The following OPCML variants were observed in gnomAD, a reference collection of about 807,000 sequenced individuals.
OPCML encodes opioid binding protein/cell adhesion molecule like.
A neutral mutation model predicts 37.8 loss-of-function variants in OPCML; 13 were observed. The ratio of observed to expected loss-of-function variants is 0.34; its 90% CI spans 0.22 to 0.55. The LOEUF (loss-of-function observed/expected upper bound fraction) is 0.55, where lower values mean the gene tolerates loss of function less well. Among genes scored for constraint, OPCML ranks in the 20% least tolerant of loss-of-function variants. The pLI, the probability that OPCML is intolerant of heterozygous loss-of-function variation, is 0.91. For missense variants in OPCML, 341 were observed against 435.6 expected (o/e 0.78, Z 1.93); for synonymous variants, 176 against 168.8 (o/e 1.04, Z -0.33).
At chr11:133,458,740 CGT>C (rs200584548) in intron 1 of OPCML, among the ~76,000 whole-genome samples, 1 of 102,648 alleles carries the variant, frequency 9.7e-6, no homozygotes, top group Non-Finnish European at 1.7e-5. Flanking sequence ...CATAGATGCA[CGT>C]GTGTGTATAT....
intron 1 of OPCML, among the ~76,000 whole-genome samples, chr11:133,341,686 A>T (rs545110738): frequency 3.9e-5 from 6 of 152,320 alleles, no homozygotes; most frequent in African/African-American, 1.4e-4. Flanking sequence ...TGGGAGGCCA[A>T]GGCAGGTGGA....
At chr11:133,458,131 G>A (rs924885511) in intron 1 of OPCML, among the ~76,000 whole-genome samples, 1 of 151,010 alleles carries the variant, frequency 6.6e-6, no homozygotes. Context: ...GGGCAACAGA[G>A]CAAGACTCCA....
At chr11:132,962,979 G>C (rs573928227) in intron 1 of OPCML, among the ~76,000 whole-genome samples, 2 of 152,262 alleles carry the variant, frequency 1.3e-5, no homozygotes, top group South Asian at 2.1e-4. Context: ...AGGCCTGCTT[G>C]ACACGCATAG....
chr11:133,204,868 GTA>G (rs57658806), intron 1 of OPCML, among the ~76,000 whole-genome samples: 2,567 of 116,614 alleles, frequency 0.022, 44 homozygotes, highest in East Asian at 0.037. Flanking sequence ...ATATATATGT[GTA>G]TATATATATA....
At chr11:133,368,745 G>C (rs1195489027) in intron 1 of OPCML, among the ~76,000 whole-genome samples, 1 of 152,098 alleles carries the variant, frequency 6.6e-6, no homozygotes, top group Non-Finnish European at 1.5e-5. Context: ...TATTCATTAA[G>C]GAAACTCATT....
At chr11:133,144,039 G>T (rs1949862747) in intron 1 of OPCML, among the ~76,000 whole-genome samples, 1 of 152,164 alleles carries the variant, frequency 6.6e-6, no homozygotes, top group Non-Finnish European at 1.5e-5. Context: ...TGCCACTTAG[G>T]GTCTGCCTGC....
chr11:133,311,285 G>A (rs1943062071), intron 1 of OPCML, among the ~76,000 whole-genome samples: 1 of 152,180 alleles, frequency 6.6e-6, no homozygotes, highest in Non-Finnish European at 1.5e-5. Flanking sequence ...AAGAGAGGTG[G>A]TTTACTAGGA....
At chr11:133,457,764 G>A (rs529475258) in intron 1 of OPCML, among the ~76,000 whole-genome samples, 43 of 152,198 alleles carry the variant, frequency 2.8e-4, no homozygotes, top group Non-Finnish European at 5.0e-4. Context: ...AAGAGCGGAC[G>A]TAGTTCATTA....
chr11:133,085,484 C>T (rs1340439068), intron 1 of OPCML, among the ~76,000 whole-genome samples: 2 of 152,192 alleles, frequency 1.3e-5, no homozygotes, highest in African/African-American at 2.4e-5. Flanking sequence ...GTACCCAGCA[C>T]ATAGAGCAAA....
chr11:132,427,251 T>A (rs2136682983), intron 7 of OPCML, among the ~76,000 whole-genome samples: 1 of 152,296 alleles, frequency 6.6e-6, no homozygotes, highest in East Asian at 1.9e-4. Context: ...TGTTCTGAAA[T>A]CTGGATAGGT....
chr11:133,366,619 G>A (rs532479937), intron 1 of OPCML, among the ~76,000 whole-genome samples: 2 of 152,250 alleles, frequency 1.3e-5, no homozygotes, highest in East Asian at 1.9e-4. Context: ...GGGGTGGAAG[G>A]ATGCAGAAAT....
intron 3 of OPCML, among the ~76,000 whole-genome samples, chr11:132,571,297 C>A (rs7929325): frequency 0.053 from 8,075 of 152,084 alleles, 432 homozygotes; most frequent in African/African-American, 0.12. Context: ...ACACTACTGG[C>A]TTCTTTCTTC....
At chr11:132,944,120 TC>T (rs1407637528) in intron 1 of OPCML, among the ~76,000 whole-genome samples, 42 of 150,238 alleles carry the variant, frequency 2.8e-4, no homozygotes, top group Admixed American at 3.3e-4. Context: ...CCCACTTCGC[TC>T]CGTCCCGACA....
At chr11:132,564,446 C>A (rs972414745) in intron 3 of OPCML, among the ~76,000 whole-genome samples, 1 of 152,194 alleles carries the variant, frequency 6.6e-6, no homozygotes, top group Non-Finnish European at 1.5e-5. Flanking sequence ...GAGAACACAT[C>A]TCTTATTTCT....
At position 133,018,465 on chromosome 11, in the gene OPCML, C is replaced by T. The variant is rs1438667523; in HGVS notation, c.62-75455G>A. Among the ~76,000 whole-genome samples, 3 of 152,056 alleles carry T rather than the reference C, an allele frequency of 2.0e-5. No individual in the cohort carries two copies. In the East Asian group the frequency reaches 5.8e-4, roughly 29 times the overall value. On this transcript the variant is annotated intron_variant, in intron 1 of 7. Transcript: ENST00000524381. ...TGGCCAGCCAGAACAGGTACAACACCCCCAGAAACACTACTACCAGCCTCC... is the reference window on the plus strand; with the variant it reads ...TGGCCAGCCAGAACAGGTACAACACTCCCAGAAACACTACTACCAGCCTCC...
At chr11:133,458,495 C>CGT (rs747667190) in intron 1 of OPCML, among the ~76,000 whole-genome samples, 3 of 95,958 alleles carry the variant, frequency 3.1e-5, no homozygotes, top group Admixed American at 1.9e-4. Flanking sequence ...CATATATACA[C>CGT]GTGTGTGTGT....
chr11:133,063,265 C>A (rs989248115), intron 1 of OPCML, among the ~76,000 whole-genome samples: 1 of 152,172 alleles, frequency 6.6e-6, no homozygotes, highest in Admixed American at 6.5e-5. Flanking sequence ...GAGGGCTGGT[C>A]CCCTGGGCCA....
Position 132,546,806 on chromosome 11 carries a change from G to A in OPCML, c.380-17620C>T, listed in dbSNP as rs143562181. Among the ~76,000 whole-genome samples the A allele has an allele frequency of 7.8e-3, 1,191 of 152,226 alleles. 6 individuals carry two copies. Among genetic ancestry groups the A allele is most frequent in the Non-Finnish European group, 0.013 (902 of 68,022 alleles). Reference sequence around the variant, plus strand: ...ATAAAGCAGTAAGCACAGTGCCGGGGGTGGTGGCAGGTGGACAGTGCTCAA... The same window carrying A: ...ATAAAGCAGTAAGCACAGTGCCGGGAGTGGTGGCAGGTGGACAGTGCTCAA... On this transcript the variant is annotated intron_variant, in intron 3 of 7. Coordinates refer to ENST00000524381, the MANE Select transcript of OPCML (RefSeq NM_001012393.5).
intron 2 of OPCML, among the ~76,000 whole-genome samples, chr11:132,856,082 A>G (rs376366622): frequency 2.0e-5 from 3 of 152,220 alleles, no homozygotes; most frequent in Middle Eastern, 3.2e-3. Context: ...TGCCAATACA[A>G]TAGACCTAAC....
Sources: allele counts gnomAD v4.1 joint callset (sites outside exome capture counted in the v4.1 genomes callset), GRCh38; gene constraint gnomAD v4.1.1; transcripts MANE v1.5; gene names NCBI Gene and HGNC (gene_info 2026-07-23, HGNC 2026-07-21).